The following JAK1 variants were observed in gnomAD, a reference collection of about 807,000 sequenced individuals.
The protein encoded by JAK1 is Janus kinase 1, also known as tyrosine-protein kinase JAK1.
A neutral mutation model predicts 136.6 loss-of-function variants in JAK1; 16 were observed. The ratio of observed to expected loss-of-function variants is 0.12; its 90% CI spans 0.08 to 0.18. The LOEUF (loss-of-function observed/expected upper bound fraction) is 0.18, where lower values mean the gene tolerates loss of function less well. JAK1 is among the 10% of genes least tolerant of loss of function. The probability of loss-of-function intolerance (pLI) is 1.00; values close to 1 mark genes in which losing one functional copy is unlikely to be tolerated. For missense variants in JAK1, 859 were observed against 1,450.1 expected (o/e 0.59, Z 6.62); for synonymous variants, 492 against 519.5 (o/e 0.95, Z 0.72).
intron 2 of JAK1, among the ~76,000 whole-genome samples, chr1:65,018,483 AGAG>A (rs1318403266): frequency 7.4e-6 from 1 of 135,424 alleles, no homozygotes; most frequent in African/African-American, 3.1e-5. Context: ...AGAGAGAGAG[AGAG>A]AACACACACA....
chr1:65,008,343 CAA>C (rs1434774258), intron 2 of JAK1, among the ~76,000 whole-genome samples: 1 of 152,130 alleles, frequency 6.6e-6, no homozygotes, highest in African/African-American at 2.4e-5. Context: ...GGAATTTATG[CAA>C]AAGTACTAAG....
At chr1:64,859,227 G>A (rs1656140103) in intron 9 of JAK1, among the ~76,000 whole-genome samples, 1 of 152,236 alleles carries the variant, frequency 6.6e-6, no homozygotes, top group Non-Finnish European at 1.5e-5. Context: ...TGAAAAGAGA[G>A]GCTCAGAAGA....
At chr1:64,990,621 T>C (rs1251140466) in intron 2 of JAK1, 1 of 151,772 alleles carries the variant, frequency 6.6e-6, no homozygotes, top group Admixed American at 6.6e-5. Context: ...GAAAGTATAC[T>C]TCAATAAAAG....
intron 2 of JAK1, among the ~76,000 whole-genome samples, chr1:64,998,821 G>A (rs1402985928): frequency 6.6e-6 from 1 of 152,138 alleles, no homozygotes; most frequent in Non-Finnish European, 1.5e-5. Flanking sequence ...CACCATGATT[G>A]TGAGGCCTCC....
At chr1:65,014,674 C>T (rs1646877529) in intron 2 of JAK1, among the ~76,000 whole-genome samples, 1 of 151,348 alleles carries the variant, frequency 6.6e-6, no homozygotes, top group African/African-American at 2.4e-5. Flanking sequence ...AATAAATAAT[C>T]TATTATTCTA....
intron 2 of JAK1, among the ~76,000 whole-genome samples, chr1:64,994,114 T>C (rs1646682167): frequency 6.6e-6 from 1 of 152,090 alleles, no homozygotes; most frequent in South Asian, 2.1e-4. Context: ...CTAATTTTTG[T>C]ATTTTTTGTA....
In JAK1 at chr1:64,876,777, T is replaced by C. The variant is rs184611654; in HGVS notation, c.329+2248A>G. ...AGAATGATACCTGCCTATATTCCTT[T>C]TCAAAATGACGTGGAGGAACAAAGC... On this transcript the variant is annotated intron_variant, in intron 4 of 24. Coordinates refer to ENST00000342505, the MANE Select transcript of JAK1 (RefSeq NM_002227.4). Among the ~76,000 whole-genome samples, 524 of 152,218 alleles carry C rather than the reference T, an allele frequency of 3.4e-3. 5 individuals are homozygous for C. Among genetic ancestry groups the C allele is most frequent in the African/African-American group, 0.012 (487 of 41,518 alleles).
chr1:64,833,235 C>CTT lies in JAK1; in HGVS notation c.*1325_*1326dup, dbSNP rs112796068. The CTT allele has an allele frequency of 3.1e-3, 686 of 221,266 alleles. 9 individuals are homozygous for CTT. The highest frequency in any genetic ancestry group is 0.014 in the African/African-American group (633 of 44,656). 13.7% of individuals were successfully genotyped at this position (221,266 alleles called of 1,614,324 possible). On this transcript the variant is annotated 3_prime_UTR_variant, in exon 25 of 25. Transcript: ENST00000342505. ...ATTAAAAGGCATATGCATGTAAAGTCTTTAGTATATTTATTTGTATAAAGA... is the reference window on the plus strand; with the variant it reads ...ATTAAAAGGCATATGCATGTAAAGTCTTTTTAGTATATTTATTTGTATAAAGA...
At chr1:64,835,135 T>G (rs1394594622) in intron 24 of JAK1, among the ~76,000 whole-genome samples, 1 of 152,226 alleles carries the variant, frequency 6.6e-6, no homozygotes, top group Non-Finnish European at 1.5e-5. Flanking sequence ...CACCAAAACC[T>G]GTCCCTCTGG....
At chr1:65,019,463 C>A (rs1646918780) in intron 2 of JAK1, among the ~76,000 whole-genome samples, 3 of 143,162 alleles carry the variant, frequency 2.1e-5, no homozygotes, top group Admixed American at 6.9e-5. Context: ...ACCCCCCCCC[C>A]AATATATTTA....
chr1:64,878,561 G>GTATATATATATATA (rs56881589), intron 4 of JAK1, among the ~76,000 whole-genome samples: 2 of 119,932 alleles, frequency 1.7e-5, no homozygotes, highest in African/African-American at 6.0e-5. Flanking sequence ...TATATAGTGT[G>GTATATATATATATA]TATATATATA....
chr1:64,935,693 G>A lies in JAK1; in HGVS notation c.-78+30640C>T, dbSNP rs1645776901. 2.0e-5 allele frequency among the ~76,000 whole-genome samples: 3 copies of A among 152,176 alleles called. No individual in the cohort carries two copies. The South Asian group carries it at 6.2e-4, about 32-fold the overall frequency. The stretch of plus-strand genomic sequence containing the variant: ...AGTCTGGTCTTGGCAGTCCCTTGAT[G>A]TTTATCCAGCCTTTCCTGCTGTGAC... On this transcript the variant is annotated intron_variant, in intron 1 of 24. Coordinates refer to ENST00000342505, the MANE Select transcript of JAK1 (RefSeq NM_002227.4).
chr1:64,976,943 G>A (rs969297370), intron 2 of JAK1, among the ~76,000 whole-genome samples: 4 of 152,104 alleles, frequency 2.6e-5, no homozygotes, highest in African/African-American at 9.7e-5. Context: ...CCTTAAGTCT[G>A]AGCTCCAGAA....
At chr1:64,878,583 A>C (rs1391681408) in intron 4 of JAK1, among the ~76,000 whole-genome samples, 1 of 61,040 alleles carries the variant, frequency 1.6e-5, no homozygotes, top group African/African-American at 9.4e-5. Flanking sequence ...ATATATATAT[A>C]TATATATATA....
chr1:65,062,490 A>G (rs1647836437), intron 1 of JAK1, among the ~76,000 whole-genome samples: 2 of 152,188 alleles, frequency 1.3e-5, no homozygotes, highest in Admixed American at 1.3e-4. Context: ...TGGACAGCTA[A>G]AGGAGCCAAT....
rs552756651 is a variant in JAK1 at position 64,989,196 on chromosome 1, G to A, written c.-78+55284C>T. On this transcript the variant is annotated intron_variant, in intron 2 of 25. Transcript: ENST00000671954. ...AAAAATTTGCTGGGTGTGGTGGCAC[G>A]TGCCTGTAATCCCAGCTACTCCGGA... 6.0e-5 allele frequency among the ~76,000 whole-genome samples: 9 copies of A among 149,622 alleles called. No homozygotes were observed. In the East Asian group the frequency reaches 9.8e-4, roughly 16 times the overall value.
chr1:64,937,822 T>C (rs974527775), intron 1 of JAK1, among the ~76,000 whole-genome samples: 1 of 152,170 alleles, frequency 6.6e-6, no homozygotes, highest in Non-Finnish European at 1.5e-5. Context: ...CACTCCAACA[T>C]TGTCTGAGAT....
At chr1:64,858,654 T>G (rs968027862) in intron 9 of JAK1, among the ~76,000 whole-genome samples, 5 of 152,164 alleles carry the variant, frequency 3.3e-5, no homozygotes, top group Non-Finnish European at 7.4e-5. Context: ...AGACCCTGTG[T>G]GTGCTAAGAA....
chr1:64,855,771 G>C, intron 10 of JAK1, 73 bp from the exon 11 acceptor site: 1 of 1,265,160 alleles, frequency 7.9e-7, no homozygotes, highest in Non-Finnish European at 1.1e-6. Context: ...ATTAACATTA[G>C]GGGAAGCTGC....
Sources: gnomAD v4.1 joint callset for allele counts (sites outside exome capture counted in the v4.1 genomes callset) on GRCh38, gnomAD v4.1.1 for gene constraint, MANE v1.5 for transcripts, NCBI Gene and HGNC (gene_info 2026-07-23, HGNC 2026-07-21) for gene names.